Variants in DOCK1 observed in about 807,000 individuals in gnomAD.
DOCK1 encodes dedicator of cytokinesis protein 1.
Under a neutral mutation model 262.7 loss-of-function variants are expected in DOCK1, and 138 were observed. The observed-to-expected ratio is 0.53, with a 90% CI of 0.46 to 0.61. DOCK1 has a LOEUF of 0.61. Ranked by LOEUF, DOCK1 falls within the 20% of genes least tolerant of loss-of-function variation. The pLI, the probability that DOCK1 is intolerant of heterozygous loss-of-function variation, is 0.00. For synonymous variants in DOCK1, 866 were observed against 867.4 expected, an observed-to-expected ratio of 1.00 and a Z score of 0.03; for missense variants, 1,908 against 2,370.7, an observed-to-expected ratio of 0.80 and a Z score of 4.05.
At chr10:127,404,158 A>G (rs1415857261) in intron 39 of DOCK1, among the ~76,000 whole-genome samples, 167 bp from the exon 40 acceptor site, 1 of 152,044 alleles carries the variant, frequency 6.6e-6, no homozygotes, top group East Asian at 1.9e-4. Flanking sequence ...GTGAGATGAA[A>G]TTCAGGTGCA....
At chr10:127,110,436 A>T in intron 25 of DOCK1, 82 bp downstream of exon 25, 1 of 1,278,774 alleles carries the variant, frequency 7.8e-7, no homozygotes, top group Admixed American at 2.0e-5. Context: ...CCTCTTCTTG[A>T]CAAAAGGAGT....
intron 27 of DOCK1, among the ~76,000 whole-genome samples, chr10:127,236,751 C>G (rs558318474): frequency 1.3e-5 from 2 of 151,950 alleles, no homozygotes; most frequent in East Asian, 3.9e-4. Flanking sequence ...AAATATTCTT[C>G]TGTATATGGT....
chr10:126,971,084 T>TC (rs1436932758), intron 2 of DOCK1, among the ~76,000 whole-genome samples: 1 of 151,672 alleles, frequency 6.6e-6, no homozygotes, highest in Non-Finnish European at 1.5e-5. Context: ...AGAGTCTTGC[T>TC]CTGTCGCACA....
In DOCK1 at chr10:127,145,989, C is replaced by T. The variant is rs777457407; in HGVS notation, c.2847+18225C>T. On this transcript the variant is annotated intron_variant, in intron 27 of 51. Coordinates refer to ENST00000623213, the MANE Select transcript of DOCK1 (RefSeq NM_001290223.2). ...GAGGAAGAACCTGCCCTGGGGACCCCGCACCCTGAATTCCCTAGTCACTCT... is the reference window on the plus strand; with the variant it reads ...GAGGAAGAACCTGCCCTGGGGACCCTGCACCCTGAATTCCCTAGTCACTCT... 2.9e-5 allele frequency: 15 copies of T among 515,850 alleles called. 1 individual carries two copies. Among genetic ancestry groups the T allele is most frequent in the Middle Eastern group, 3.2e-4 (1 of 3,162 alleles). 32.0% of individuals were successfully genotyped at this position (515,850 alleles called of 1,614,324 possible). A position where few individuals can be genotyped will look rare whatever the true frequency, so the allele number is the denominator to read the frequency against.
chr10:127,062,834 G>T (rs2045619684), intron 23 of DOCK1, among the ~76,000 whole-genome samples: 1 of 152,232 alleles, frequency 6.6e-6, no homozygotes, highest in Non-Finnish European at 1.5e-5. Flanking sequence ...TGCTTCAGTG[G>T]ATCTTTGCCT....
In DOCK1 at chr10:127,176,252, C is replaced by G; in HGVS notation, c.2847+48488C>G. 1.9e-6 allele frequency: 3 copies of G among 1,614,194 alleles called. No individual in the cohort carries two copies. Among genetic ancestry groups the G allele is most frequent in the Non-Finnish European group, 2.5e-6 (3 of 1,180,038 alleles). On this transcript the variant is annotated intron_variant, in intron 27 of 51. Coordinates refer to ENST00000623213, the MANE Select transcript of DOCK1 (RefSeq NM_001290223.2). The surrounding 1 kb of genome is among the most constrained non-coding windows in gnomAD (Gnocchi z 4.4). ...TCTGTGCCTCGCAGATATCCTTAAA[C>G]CGCACCTGCAGGGCTTTGTTCCGTT...
intron 29 of DOCK1, among the ~76,000 whole-genome samples, chr10:127,262,610 C>G (rs2135073631): frequency 6.6e-6 from 1 of 152,286 alleles, no homozygotes; most frequent in Middle Eastern, 3.4e-3. Context: ...TGGTAAGATA[C>G]TTGAAACTGT....
At chr10:127,019,591 T>TA (rs923270039) in intron 13 of DOCK1, among the ~76,000 whole-genome samples, 5 of 151,918 alleles carry the variant, frequency 3.3e-5, no homozygotes, top group African/African-American at 9.7e-5. Flanking sequence ...GACAAAAAAA[T>TA]AAAAAAACTA....
At chr10:127,399,646 G>T (rs911089605) in intron 38 of DOCK1, among the ~76,000 whole-genome samples, 5 of 152,022 alleles carry the variant, frequency 3.3e-5, no homozygotes, top group Non-Finnish European at 5.9e-5. Context: ...TGTCATTTAG[G>T]ATAAAAACAG....
chr10:126,998,571 T>G, intron 8 of DOCK1: 1 of 221,856 alleles, frequency 4.5e-6, no homozygotes, highest in Non-Finnish European at 9.0e-6. Context: ...CGTAAGATTT[T>G]ATATATCCTG....
intron 50 of DOCK1, 39 bp downstream of exon 50, chr10:127,444,318 C>T (rs768063441): frequency 4.5e-6 from 7 of 1,542,830 alleles, no homozygotes; most frequent in Non-Finnish European, 5.2e-6. Flanking sequence ...CGTGCTATAG[C>T]TCCGTGACTT....
Position 127,437,584 on chromosome 10 carries a change from T to A in DOCK1, c.5061-1443T>A, listed in dbSNP as rs11018083. ...ATTTCTACCTCCCAGGCTCAAGCCA[T>A]CCTGCCACCTCAGCCTCCTGAGTAG... On this transcript the variant is annotated intron_variant, in intron 48 of 51. Coordinates refer to ENST00000623213, the MANE Select transcript of DOCK1 (RefSeq NM_001290223.2). This position sits in a 1 kb window ranked among gnomAD's most constrained non-coding sequence, Gnocchi z 4.4. 0.052 allele frequency among the ~76,000 whole-genome samples: 7,796 copies of A among 151,308 alleles called. 652 individuals carry two copies. Among genetic ancestry groups the A allele is most frequent in the African/African-American group, 0.18 (7,314 of 41,396 alleles).
intron 38 of DOCK1, among the ~76,000 whole-genome samples, chr10:127,397,674 C>A (rs530954197): frequency 1.3e-4 from 20 of 152,042 alleles, no homozygotes; most frequent in African/African-American, 4.8e-4. Context: ...AGCAGCGTCT[C>A]CTGCATGACA....
intron 27 of DOCK1, among the ~76,000 whole-genome samples, chr10:127,187,818 G>A (rs2056423516): frequency 6.6e-6 from 1 of 152,116 alleles, no homozygotes; most frequent in African/African-American, 2.4e-5. Flanking sequence ...AAGCATATTG[G>A]TCTCTACCCC....
intron 1 of DOCK1, among the ~76,000 whole-genome samples, chr10:126,955,720 T>C (rs1021509582): frequency 1.7e-4 from 26 of 152,238 alleles, no homozygotes; most frequent in African/African-American, 6.3e-4. Flanking sequence ...TTTAGTGCCT[T>C]ACCTAGAATC....
At chr10:126,963,669 T>TCCCC (rs1554962880) in intron 1 of DOCK1, among the ~76,000 whole-genome samples, 1 of 109,786 alleles carries the variant, frequency 9.1e-6, no homozygotes, top group Non-Finnish European at 1.9e-5. Context: ...CTTCCTTCCT[T>TCCCC]CCTCCCTCCC....
At chr10:127,326,063 A>G (rs912018800) in intron 29 of DOCK1, among the ~76,000 whole-genome samples, 6 of 152,236 alleles carry the variant, frequency 3.9e-5, no homozygotes, top group Non-Finnish European at 7.3e-5. Context: ...CAATGCTAAC[A>G]ATTATCTGAG....
At chr10:126,946,984 C>G (rs1236733066) in intron 1 of DOCK1, among the ~76,000 whole-genome samples, 1 of 152,210 alleles carries the variant, frequency 6.6e-6, no homozygotes, top group Non-Finnish European at 1.5e-5. Flanking sequence ...GAATGCAGGT[C>G]TGATCCTGTC....
At chr10:126,999,723 C>G (rs2040451814) in intron 9 of DOCK1, among the ~76,000 whole-genome samples, 1 of 152,186 alleles carries the variant, frequency 6.6e-6, no homozygotes, top group Non-Finnish European at 1.5e-5. Context: ...GTCACCCAGG[C>G]TGGAATGCAA....
Sources: allele counts gnomAD v4.1 joint callset (sites outside exome capture counted in the v4.1 genomes callset), GRCh38; gene constraint gnomAD v4.1.1; non-coding constraint Gnocchi (gnomAD v3.1); transcripts MANE v1.5; gene names NCBI Gene and HGNC (gene_info 2026-07-23, HGNC 2026-07-21).